FRAS1: variants seen among roughly 807,000 people sequenced by gnomAD.
FRAS1 encodes Fraser extracellular matrix complex subunit 1, also known as extracellular matrix organizing protein FRAS1.
Under a neutral mutation model 435.2 loss-of-function variants are expected in FRAS1, and 290 were observed. The ratio of observed to expected loss-of-function variants is 0.67; its 90% CI spans 0.61 to 0.73. The LOEUF (loss-of-function observed/expected upper bound fraction) is 0.73, where lower values mean the gene tolerates loss of function less well. FRAS1 is among the 30% of genes least tolerant of loss of function. The probability of loss-of-function intolerance (pLI) is 0.00; values close to 1 mark genes in which losing one functional copy is unlikely to be tolerated. For synonymous variants in FRAS1, 1,800 were observed against 1,851.0 expected (o/e 0.97, Z 0.71); for missense variants, 4,860 against 5,001.5 (o/e 0.97, Z 0.85).
At chr4:78,491,779 A>G (rs1049370731) in intron 59 of FRAS1, among the ~76,000 whole-genome samples, 10 of 152,264 alleles carry the variant, frequency 6.6e-5, no homozygotes, top group Admixed American at 4.6e-4. Context: ...CCTGTTCAAC[A>G]TAGTATTAAA....
intron 29 of FRAS1, among the ~76,000 whole-genome samples, chr4:78,395,717 C>T (rs183205037): frequency 6.6e-6 from 1 of 151,990 alleles, no homozygotes; most frequent in East Asian, 1.9e-4. Flanking sequence ...TATATTTTTC[C>T]ATCCTTTCAC....
chr4:78,060,906 G>A (rs1056437621), intron 1 of FRAS1, among the ~76,000 whole-genome samples: 2 of 151,932 alleles, frequency 1.3e-5, no homozygotes, highest in African/African-American at 2.4e-5. Flanking sequence ...GAGTGCAGTG[G>A]TGCAATCTCA....
intron 15 of FRAS1, among the ~76,000 whole-genome samples, chr4:78,312,879 G>GAGAGAGAGAGAGAAAGAA (rs143465313): frequency 5.6e-4 from 72 of 129,136 alleles, no homozygotes; most frequent in Admixed American, 1.3e-3. Context: ...GAGAGAGAGA[G>GAGAGAGAGAGAGAAAGAA]AGAAAGAAAG....
intron 2 of FRAS1, among the ~76,000 whole-genome samples, chr4:78,113,289 A>C (rs1483728669): frequency 5.3e-5 from 8 of 152,098 alleles, no homozygotes; most frequent in South Asian, 2.1e-4. Flanking sequence ...AACAAACATA[A>C]GTGTGCACGT....
intron 2 of FRAS1, among the ~76,000 whole-genome samples, chr4:78,192,501 G>A (rs1722588349): frequency 6.6e-6 from 1 of 152,190 alleles, no homozygotes; most frequent in Non-Finnish European, 1.5e-5. Context: ...TTAGTTTTGG[G>A]AGAGTGTATG....
At chr4:78,270,226 TC>T (rs1342246924) in intron 9 of FRAS1, among the ~76,000 whole-genome samples, 2 of 152,202 alleles carry the variant, frequency 1.3e-5, no homozygotes, top group African/African-American at 4.8e-5. Flanking sequence ...CAAAACTGAA[TC>T]CTTGTGCCCC....
intron 35 of FRAS1, among the ~76,000 whole-genome samples, chr4:78,427,175 T>C (rs1001098432): frequency 3.3e-5 from 5 of 152,168 alleles, no homozygotes; most frequent in Admixed American, 6.5e-5. Flanking sequence ...GATTAATGGT[T>C]AATCATGGGA....
At chr4:78,347,502 G>A (rs1029793550) in intron 20 of FRAS1, among the ~76,000 whole-genome samples, 33 of 152,140 alleles carry the variant, frequency 2.2e-4, no homozygotes, top group Non-Finnish European at 1.5e-4. Flanking sequence ...TGATTTTCAA[G>A]GTCCCTGATT....
At chr4:78,406,018 T>C (rs552281098) in intron 30 of FRAS1, among the ~76,000 whole-genome samples, 1 of 152,342 alleles carries the variant, frequency 6.6e-6, no homozygotes, top group South Asian at 2.1e-4. Flanking sequence ...TTGCTGGTGA[T>C]GGTGGTGTTT....
chr4:78,536,191 AT>A (rs11355997), intron 71 of FRAS1, among the ~76,000 whole-genome samples: 37,153 of 103,578 alleles, frequency 0.36, 4,214 homozygotes, highest in East Asian at 0.68. Flanking sequence ...TTGTACATGG[AT>A]TTTTTTTTTT....
Position 78,158,251 on chromosome 4 carries a change from CTG to C in FRAS1, c.109-79256_109-79255del, listed in dbSNP as rs545941681. Among the ~76,000 whole-genome samples, 14 of 152,310 alleles carry C rather than the reference CTG, an allele frequency of 9.2e-5. No individual in the cohort carries two copies. The East Asian group carries it at 1.9e-3, about 21-fold the overall frequency. On this transcript the variant is annotated intron_variant, in intron 2 of 73. Coordinates refer to ENST00000512123, the MANE Select transcript of FRAS1 (RefSeq NM_025074.7). Reference sequence around the variant, plus strand: ...TGGTTTGATAGAAATAGCATTCAATCTGTGGCTTGCTTTGCGCAGTATGGCCA... The same window carrying C: ...TGGTTTGATAGAAATAGCATTCAATCTGGCTTGCTTTGCGCAGTATGGCCA...
chr4:78,315,227 CTT>C (rs1238521648), intron 15 of FRAS1, among the ~76,000 whole-genome samples: 1 of 152,144 alleles, frequency 6.6e-6, no homozygotes, highest in Non-Finnish European at 1.5e-5. Context: ...TGCTAAAAAA[CTT>C]TATTATTTAT....
In FRAS1 at chr4:78,308,227, A is replaced by T. The variant is rs1447173618; in HGVS notation, c.1678+18A>T. 1.2e-6 allele frequency: 2 copies of T among 1,609,810 alleles called. No individual in the cohort carries two copies. Among genetic ancestry groups the T allele is most frequent in the Non-Finnish European group, 1.7e-6 (2 of 1,177,482 alleles). On this transcript the variant is annotated intron_variant, in intron 15 of 73. Coordinates refer to ENST00000512123, the MANE Select transcript of FRAS1 (RefSeq NM_025074.7). Reference sequence around the variant, plus strand: ...CTGTAGCGGTGAGTGCTGGGTTGCGATGCTGACGTGTCCTTTCCTTTTTCT... The same window carrying T: ...CTGTAGCGGTGAGTGCTGGGTTGCGTTGCTGACGTGTCCTTTCCTTTTTCT...
chr4:78,408,384 G>A (rs1733187873), intron 31 of FRAS1, among the ~76,000 whole-genome samples: 1 of 152,058 alleles, frequency 6.6e-6, no homozygotes, highest in African/African-American at 2.4e-5. Flanking sequence ...TCAGATATAT[G>A]TGTATCTTTA....
At chr4:78,263,003 A>C (rs1726186038) in intron 6 of FRAS1, among the ~76,000 whole-genome samples, 5 of 152,224 alleles carry the variant, frequency 3.3e-5, no homozygotes, top group Admixed American at 3.3e-4. Flanking sequence ...CTTTATTTAC[A>C]AAAACAGGCA....
At position 78,281,413 on chromosome 4, in the gene FRAS1, A is replaced by T. The variant is rs1404338156; in HGVS notation, c.1087A>T (p.Ser363Cys). ...ETGEFMSSNA[S>C]EVKRIPEGEK... ...TTGTTCCTAGATGTCATCAAATGCT[A>T]GTGAAGTTAAACGTATTCCAGTAAG... is the stretch of plus-strand genomic sequence containing the variant. Residue 363 changes from serine (S) to cysteine (C), a missense_variant, in exon 11 of 74, where the codon AGT becomes TGT. By Grantham distance (112) the Ser-to-Cys change is moderately radical. Coordinates refer to ENST00000512123, the MANE Select transcript of FRAS1 (RefSeq NM_025074.7). 6.3e-7 allele frequency: 1 copy of T among 1,575,960 alleles called. No homozygotes were observed. Among genetic ancestry groups the T allele is most frequent in the African/African-American group, 1.4e-5 (1 of 73,264 alleles).
intron 20 of FRAS1, among the ~76,000 whole-genome samples, chr4:78,342,167 G>C (rs893418870): frequency 6.6e-6 from 1 of 152,206 alleles, no homozygotes; most frequent in South Asian, 2.1e-4. Flanking sequence ...CTCTCTGCCT[G>C]CTCTTTCGTG....
In FRAS1 at chr4:78,522,686, G is replaced by A. The variant is rs778398402; in HGVS notation, c.10686G>A (p.Val3562=). The change falls in exon 69 of 74, where the codon GTG becomes GTA. Residue 3562 remains valine, a synonymous_variant. Transcript: ENST00000512123. The part of the protein sequence containing the change: ...FVMEHHTLPE[V]KSFVLTPDHL... Reference sequence around the variant, plus strand: ...TGGAGCATCACACTCTCCCAGAAGTGAAATCTTTCGTATTGACTCCAGACC... The same window carrying A: ...TGGAGCATCACACTCTCCCAGAAGTAAAATCTTTCGTATTGACTCCAGACC... 8.1e-6 allele frequency: 13 copies of A among 1,609,182 alleles called. 1 individual carries two copies. In the East Asian group the frequency reaches 2.9e-4, roughly 36 times the overall value.
Position 78,473,527 on chromosome 4 carries a change from A to C in FRAS1, c.7612A>C (p.Ser2538Arg), listed in dbSNP as rs1719771179. 1 of 1,613,298 alleles carries C rather than the reference A, an allele frequency of 6.2e-7. No homozygotes were observed. Residue 2538 changes from serine (S) to arginine (R), a missense_variant, in exon 53 of 74, where the codon AGT (serine) becomes CGT (arginine). Physicochemically the swap from Ser to Arg is moderately radical, Grantham distance 110 (BLOSUM62 -1). Transcript: ENST00000512123. ...MDSFQFLVKD[S>R]KPNVVSDNVF... ...TAGTTTTCAGTTTCTGGTGAAAGACAGTAAACCCAATGTGGTCAGCGACAA... is the reference window on the plus strand; with the variant it reads ...TAGTTTTCAGTTTCTGGTGAAAGACCGTAAACCCAATGTGGTCAGCGACAA...
Sources: allele counts gnomAD v4.1 joint callset (sites outside exome capture counted in the v4.1 genomes callset), GRCh38; gene constraint gnomAD v4.1.1; transcripts MANE v1.5; gene names NCBI Gene and HGNC (gene_info 2026-07-23, HGNC 2026-07-21).